Variants in CCDC12 observed in about 807,000 individuals in gnomAD.
The protein encoded by CCDC12 is coiled-coil domain-containing protein 12.
In CCDC12, 28 loss-of-function variants were observed where a neutral mutation model predicts 25.7. The ratio of observed to expected loss-of-function variants is 1.09; its 90% confidence interval spans 0.81 to 1.50. The LOEUF (loss-of-function observed/expected upper bound fraction) is 1.50. CCDC12 is among the 40% of genes most tolerant of loss of function. CCDC12 has a pLI of 0.00. For synonymous variants in CCDC12, 75 were observed against 87.7 expected (o/e 0.86, Z 0.81); for missense variants, 198 against 210.0 (o/e 0.94, Z 0.35).
At chr3:46,970,790 G>A (rs1033035738) in intron 1 of CCDC12, among the ~76,000 whole-genome samples, 6 of 150,290 alleles carry the variant, frequency 4.0e-5, no homozygotes, top group African/African-American at 1.2e-4. Context: ...AGGACAGAGT[G>A]GCCTCACACT....
intron 1 of CCDC12, among the ~76,000 whole-genome samples, chr3:46,951,798 A>AATATATATATATATATATATATATATAT (rs1553649460): frequency 1.2e-4 from 1 of 8,464 alleles, no homozygotes; most frequent in African/African-American, 2.5e-4. Flanking sequence ...AAAAAAAAAA[A>AATATATATATATATATATATATATATAT]ATATATATAT....
chr3:46,935,679 G>C (rs1419751216), intron 2 of CCDC12, among the ~76,000 whole-genome samples: 1 of 152,124 alleles, frequency 6.6e-6, no homozygotes, highest in Admixed American at 6.5e-5. Flanking sequence ...AGCTACAAGA[G>C]GGCTGGCAGA....
intron 1 of CCDC12, among the ~76,000 whole-genome samples, chr3:46,956,932 C>T (rs1180468807): frequency 3.3e-5 from 5 of 152,196 alleles, no homozygotes; most frequent in African/African-American, 9.7e-5. Flanking sequence ...GGCCAGACCT[C>T]GGGTCTCGAC....
intron 2 of CCDC12, among the ~76,000 whole-genome samples, chr3:46,935,691 ACAGGGAAGAGT>A (rs1468771185): frequency 6.6e-6 from 1 of 152,114 alleles, no homozygotes; most frequent in African/African-American, 2.4e-5. Context: ...GCTGGCAGAG[ACAGGGAAGAGT>A]CAGCCCAGAG....
chr3:46,926,074 C>T (rs1229287202), intron 2 of CCDC12, among the ~76,000 whole-genome samples: 1 of 152,248 alleles, frequency 6.6e-6, no homozygotes, highest in East Asian at 1.9e-4. Context: ...GAATACGCCT[C>T]AACTACTTAG....
Position 46,928,540 on chromosome 3 carries a change from G to GAA in CCDC12, c.165-3007_165-3006dup, listed in dbSNP as rs932104443. Among the ~76,000 whole-genome samples the GAA allele has an allele frequency of 2.0e-5, 3 of 147,572 alleles. No individual in the cohort carries two copies. In the East Asian group the frequency reaches 5.9e-4, roughly 29 times the overall value. On this transcript the variant is annotated intron_variant, in intron 2 of 6. Transcript: ENST00000683445. Reference sequence around the variant, plus strand: ...TCATATAATCTCATGGGCCTGGAGAGAAAAAAAAAAGTGTGTTTAAGCAGA... The same window carrying GAA: ...TCATATAATCTCATGGGCCTGGAGAGAAAAAAAAAAAAGTGTGTTTAAGCAGA...
upstream of CCDC12, chr3:46,976,963 A>G (rs1225602947): frequency 3.5e-6 from 2 of 574,790 alleles, no homozygotes; most frequent in Non-Finnish European, 5.8e-6. Flanking sequence ...CCAGCAAAAA[A>G]AAAAAAGAAA....
intron 1 of CCDC12, among the ~76,000 whole-genome samples, chr3:46,969,280 G>A (rs1277331610): frequency 2.6e-5 from 4 of 152,060 alleles, no homozygotes; most frequent in Non-Finnish European, 2.9e-5. Context: ...TTCTACCTTG[G>A]CATTGCTCCC....
upstream of CCDC12, chr3:46,979,478 A>T (rs1454270251): frequency 6.2e-6 from 1 of 162,338 alleles, no homozygotes; most frequent in Non-Finnish European, 1.3e-5. Flanking sequence ...CCTCACCCCG[A>T]CCCTCGTCCC....
At chr3:46,937,412 C>T (rs1463815295) in intron 2 of CCDC12, among the ~76,000 whole-genome samples, 21 of 152,300 alleles carry the variant, frequency 1.4e-4, no homozygotes, top group Admixed American at 1.1e-3. Context: ...TCCAGAATGG[C>T]GGGTGCTGGT....
chr3:46,926,914 A>T (rs912996619), intron 2 of CCDC12, among the ~76,000 whole-genome samples: 23 of 151,948 alleles, frequency 1.5e-4, no homozygotes. Flanking sequence ...AGTGCTGCTG[A>T]CTTCCTCAGG....
At chr3:46,980,610 T>A (rs973272673), upstream of CCDC12, among the ~76,000 whole-genome samples, 1 of 151,946 alleles carries the variant, frequency 6.6e-6, no homozygotes, top group Non-Finnish European at 1.5e-5. Flanking sequence ...CCCTGAGGGA[T>A]GTCTGAAAAG....
intron 1 of CCDC12, among the ~76,000 whole-genome samples, chr3:46,964,624 T>C (rs984611985): frequency 1.3e-5 from 2 of 152,206 alleles, no homozygotes; most frequent in Non-Finnish European, 2.9e-5. Context: ...TTCTTCTGCC[T>C]TGGGATCCTG....
In CCDC12 at chr3:46,922,039, G is replaced by C; in HGVS notation, c.*18C>G. On this transcript the variant is annotated 3_prime_UTR_variant, in exon 7 of 7. Transcript: ENST00000683445. The stretch of plus-strand genomic sequence containing the variant: ...TGCAGGACAGGCCTGATGGGCGAGT[G>C]GTGGGGCAGGGCATGCCTCAGTCGG... 1 of 1,613,114 alleles carries C rather than the reference G, an allele frequency of 6.2e-7. No individual in the cohort carries two copies. The highest frequency in any genetic ancestry group is 1.1e-5 in the South Asian group (1 of 91,030).
At chr3:46,959,201 T>A (rs574436287) in intron 1 of CCDC12, among the ~76,000 whole-genome samples, 1 of 17,036 alleles carries the variant, frequency 5.9e-5, no homozygotes, top group East Asian at 0.014. Flanking sequence ...ACACTTCCTT[T>A]AGCTACAAAG....
intron 1 of CCDC12, among the ~76,000 whole-genome samples, chr3:46,962,258 AC>A (rs1184525791): frequency 1.3e-5 from 2 of 151,828 alleles, no homozygotes; most frequent in Non-Finnish European, 2.9e-5. Context: ...ACATGGTAAA[AC>A]CCTGTCTCTA....
At chr3:46,952,925 G>T (rs1233542796) in intron 1 of CCDC12, among the ~76,000 whole-genome samples, 1 of 152,160 alleles carries the variant, frequency 6.6e-6, no homozygotes, top group Non-Finnish European at 1.5e-5. Flanking sequence ...TTCAAGCATA[G>T]GCTGATTCCC....
rs772089400 is a variant in CCDC12 at position 46,976,739 on chromosome 3, C to G, written c.-7G>C. ...CAGCCGTAGTTGCCTCCATCTTGCC[C>G]GCGTACGCCCCTCCTTTTCTCCCGT... is the stretch of plus-strand genomic sequence containing the variant. On this transcript the variant is annotated 5_prime_UTR_variant, in exon 1 of 7. Transcript: ENST00000683445. 18 of 1,601,742 alleles carry G rather than the reference C, an allele frequency of 1.1e-5. No individual in the cohort carries two copies. The highest frequency in any genetic ancestry group is 4.5e-5 in the East Asian group (2 of 44,004).
chr3:46,931,354 T>C (rs868730008), intron 2 of CCDC12, among the ~76,000 whole-genome samples: 55 of 152,214 alleles, frequency 3.6e-4, no homozygotes, highest in African/African-American at 1.2e-3. Context: ...GTGGAGAAAG[T>C]TGATGTTCTC....
Sources: allele counts gnomAD v4.1 joint callset (sites outside exome capture counted in the v4.1 genomes callset), GRCh38; gene constraint gnomAD v4.1.1; transcripts MANE v1.5; gene names NCBI Gene and HGNC (gene_info 2026-07-23, HGNC 2026-07-21).